Variants in CCDC141 observed in about 807,000 individuals in gnomAD.
CCDC141 encodes coiled-coil domain containing 141.
A neutral mutation model predicts 181.0 loss-of-function variants in CCDC141; 168 were observed. That is an observed-to-expected ratio of 0.93 (90% confidence interval 0.82 to 1.05). The LOEUF is 1.05. Ranked by LOEUF, CCDC141 falls within the 50% of genes least tolerant of loss-of-function variation. The pLI is 0.00. For synonymous variants in CCDC141, 666 were observed against 642.3 expected (o/e 1.04, Z -0.56); for missense variants, 1,902 against 1,788.5 (o/e 1.06, Z -1.14).
Position 178,855,455 on chromosome 2 carries a change from C to G in CCDC141, c.2952G>C (p.Leu984Phe). The G allele has an allele frequency of 6.2e-7, 1 of 1,611,090 alleles. No homozygotes were observed. The highest frequency in any genetic ancestry group is 8.5e-7 in the Non-Finnish European group (1 of 1,178,408). The change falls in exon 19 of 24, where the codon TTG (leucine) becomes TTC (phenylalanine). Residue 984 changes from leucine (L) to phenylalanine (F), a missense_variant. By Grantham distance (22) the Leu-to-Phe change is conservative (BLOSUM62 0). Transcript: ENST00000443758. ...NYPSDKVNVL[L>F]EVMKDLQKHV... Reference sequence around the variant, plus strand: ...GTTTTTGCAAATCCTTCATGACTTCCAAAAGGACATTAACTTTATCACTTG... The same window carrying G: ...GTTTTTGCAAATCCTTCATGACTTCGAAAAGGACATTAACTTTATCACTTG...
Position 178,833,854 on chromosome 2 carries a change from A to C in CCDC141, c.*319T>G. ...TTTAGCACATTTCTATGCCGATGTC[A>C]GCCTTCATCTGCACGCCCTTAAATT... On this transcript the variant is annotated 3_prime_UTR_variant, in exon 24 of 24. Coordinates refer to ENST00000443758, the MANE Select transcript of CCDC141 (RefSeq NM_173648.4). 1 of 233,822 alleles carries C rather than the reference A, an allele frequency of 4.3e-6. No individual in the cohort carries two copies. Among genetic ancestry groups the C allele is most frequent in the Non-Finnish European group, 8.4e-6 (1 of 119,324 alleles). 14.5% of individuals were successfully genotyped at this position (233,822 alleles called of 1,614,324 possible).
intron 21 of CCDC141, among the ~76,000 whole-genome samples, chr2:178,847,349 G>A (rs1215804131): frequency 6.6e-6 from 1 of 152,110 alleles, no homozygotes; most frequent in Non-Finnish European, 1.5e-5. Flanking sequence ...GGGCAACATA[G>A]TGAGACCTCA....
intron 20 of CCDC141, among the ~76,000 whole-genome samples, chr2:178,851,197 CTT>C (rs1168321276): frequency 9.6e-6 from 1 of 104,022 alleles, no homozygotes; most frequent in Non-Finnish European, 1.8e-5. Context: ...CAAAGCAAGA[CTT>C]TGTCTCAAAA....
chr2:178,822,759 G>A, the CCDC141 span, among the ~76,000 whole-genome samples: 1 of 152,030 alleles, frequency 6.6e-6, no homozygotes, highest in Non-Finnish European at 1.5e-5. Flanking sequence ...ATCTCTAAAT[G>A]GAAATGTTTA....
chr2:178,903,602 G>A (rs1220214204), intron 8 of CCDC141, among the ~76,000 whole-genome samples: 2 of 104,576 alleles, frequency 1.9e-5, no homozygotes, highest in African/African-American at 7.6e-5. Flanking sequence ...TCTGGGGACT[G>A]TTGTGGGGTG....
intron 2 of CCDC141, among the ~76,000 whole-genome samples, chr2:178,979,192 T>C (rs1217176825): frequency 4.6e-5 from 7 of 152,144 alleles, no homozygotes; most frequent in Non-Finnish European, 7.4e-5. Flanking sequence ...ACCAACATTA[T>C]CTACTGTTTG....
At chr2:178,926,105 C>T (rs922685451) in intron 6 of CCDC141, among the ~76,000 whole-genome samples, 1 of 151,930 alleles carries the variant, frequency 6.6e-6, no homozygotes, top group Non-Finnish European at 1.5e-5. Flanking sequence ...TTTCCAGGCT[C>T]ACCCCCTATC....
Position 178,981,231 on chromosome 2 carries a change from A to T in CCDC141, c.226-2556T>A, listed in dbSNP as rs138954357. 1.8e-3 allele frequency among the ~76,000 whole-genome samples: 273 copies of T among 152,224 alleles called. 1 individual carries two copies. The highest frequency in any genetic ancestry group is 4.6e-4 in the Non-Finnish European group (31 of 67,992). ...GAAGCATATAGATGAACTGAACAGCACTATTAGTCAACTTGATCTAATTGG... is the reference window on the plus strand; with the variant it reads ...GAAGCATATAGATGAACTGAACAGCTCTATTAGTCAACTTGATCTAATTGG... On this transcript the variant is annotated intron_variant, in intron 2 of 23. Coordinates refer to ENST00000443758, the MANE Select transcript of CCDC141 (RefSeq NM_173648.4).
chr2:178,859,836 T>C (rs1685526986), intron 17 of CCDC141, among the ~76,000 whole-genome samples: 3 of 152,252 alleles, frequency 2.0e-5, no homozygotes, highest in Admixed American at 2.0e-4. Context: ...CAAAGCTTCT[T>C]TGGAAAGAAG....
chr2:178,892,168 G>A (rs1292718801), intron 8 of CCDC141, among the ~76,000 whole-genome samples: 1 of 152,068 alleles, frequency 6.6e-6, no homozygotes, highest in Non-Finnish European at 1.5e-5. Flanking sequence ...TTCTTCTTTG[G>A]TATGCTTTAG....
chr2:178,860,983 C>T (rs897199983), intron 17 of CCDC141, among the ~76,000 whole-genome samples: 2 of 152,116 alleles, frequency 1.3e-5, no homozygotes, highest in Non-Finnish European at 2.9e-5. Flanking sequence ...ATGTTAAACA[C>T]CAAAATGTTA....
At chr2:178,952,156 A>G (rs1260688894) in intron 5 of CCDC141, among the ~76,000 whole-genome samples, 1 of 152,256 alleles carries the variant, frequency 6.6e-6, no homozygotes, top group East Asian at 1.9e-4. Flanking sequence ...AATGGCATTT[A>G]TGCCCTGTTC....
intron 23 of CCDC141, among the ~76,000 whole-genome samples, chr2:178,835,190 A>G (rs1402957454): frequency 1.3e-5 from 2 of 152,176 alleles, no homozygotes; most frequent in African/African-American, 2.4e-5. Flanking sequence ...CTACCCCATC[A>G]TATTCATACC....
chr2:178,872,944 G>C (rs565446390), intron 12 of CCDC141: 2 of 152,156 alleles, frequency 1.3e-5, no homozygotes, highest in African/African-American at 2.4e-5. Context: ...CTGCTTGACT[G>C]GTTTGAAATC....
chr2:179,034,475 T>C (rs2043084698), intron 2 of CCDC141, among the ~76,000 whole-genome samples: 1 of 152,208 alleles, frequency 6.6e-6, no homozygotes, highest in African/African-American at 2.4e-5. Context: ...AGAGCAAACC[T>C]GCACGTGTAC....
At chr2:179,004,716 G>T (rs1020192696) in intron 2 of CCDC141, among the ~76,000 whole-genome samples, 1 of 152,056 alleles carries the variant, frequency 6.6e-6, no homozygotes, top group Non-Finnish European at 1.5e-5. Flanking sequence ...CCTAAATAAA[G>T]AACATTAAAG....
chr2:178,977,143 A>G (rs921793530), intron 3 of CCDC141, among the ~76,000 whole-genome samples: 2 of 152,200 alleles, frequency 1.3e-5, no homozygotes, highest in Admixed American at 6.5e-5. Context: ...TCTTTTCACT[A>G]GATTCAATAA....
chr2:178,986,519 G>A (rs1047917188), intron 2 of CCDC141, among the ~76,000 whole-genome samples: 16 of 152,322 alleles, frequency 1.1e-4, no homozygotes, highest in African/African-American at 3.6e-4. Flanking sequence ...AAAAGGGGAA[G>A]TCAAATTGTC....
intron 2 of CCDC141, among the ~76,000 whole-genome samples, chr2:178,986,252 G>A (rs1437419219): frequency 6.6e-6 from 1 of 152,132 alleles, no homozygotes; most frequent in Non-Finnish European, 1.5e-5. Flanking sequence ...AAAGGCCTTT[G>A]ACAAAATTCA....
Sources: gnomAD v4.1 joint callset for allele counts (sites outside exome capture counted in the v4.1 genomes callset) on GRCh38, gnomAD v4.1.1 for gene constraint, MANE v1.5 for transcripts, NCBI Gene and HGNC (gene_info 2026-07-23, HGNC 2026-07-21) for gene names.